Variants in ADCK1 observed in about 807,000 individuals in gnomAD.
ADCK1 encodes aarF domain containing kinase 1.
In ADCK1, 41 loss-of-function variants were observed where a neutral mutation model predicts 52.3. That is an observed-to-expected ratio of 0.78 (90% CI 0.61 to 1.02). ADCK1 has a LOEUF of 1.02. Among genes scored for constraint, ADCK1 ranks in the 50% least tolerant of loss-of-function variants. The pLI is 0.00. For missense variants in ADCK1, 658 were observed against 679.5 expected (o/e 0.97, Z 0.35); for synonymous variants, 250 against 274.6 (o/e 0.91, Z 0.89).
chr14:77,845,709 G>GCCA (rs2082160834), intron 3 of ADCK1, among the ~76,000 whole-genome samples: 1 of 152,042 alleles, frequency 6.6e-6, no homozygotes, highest in African/African-American at 2.4e-5. Context: ...ACAGGCATGA[G>GCCA]CCACCGCACC....
chr14:77,876,952 C>T (rs1372700142), intron 4 of ADCK1, among the ~76,000 whole-genome samples: 2 of 152,216 alleles, frequency 1.3e-5, no homozygotes, highest in African/African-American at 2.4e-5. Context: ...CAGTGGCTCA[C>T]GCCTGTAATC....
Position 77,822,524 on chromosome 14 carries a change from T to C in ADCK1, c.219+6T>C. 2 of 1,610,780 alleles carry C rather than the reference T, an allele frequency of 1.2e-6. No homozygotes were observed. The highest frequency in any genetic ancestry group is 1.7e-6 in the Non-Finnish European group (2 of 1,176,926). On this transcript the variant is annotated splice_donor_region_variant and intron_variant, in intron 3 of 10. Transcript: ENST00000238561. ...ACTTGCAGCTGAGATCTAAGGTAAG[T>C]AACCCATGGGACCCATCTGAGCCAG...
chr14:77,858,077 T>C (rs2082460373), intron 3 of ADCK1, among the ~76,000 whole-genome samples: 1 of 152,198 alleles, frequency 6.6e-6, no homozygotes, highest in African/African-American at 2.4e-5. Context: ...TTAAGGCTAC[T>C]CTGTCCTAGG....
At chr14:77,824,104 G>A (rs972986181) in intron 3 of ADCK1, among the ~76,000 whole-genome samples, 3 of 151,340 alleles carry the variant, frequency 2.0e-5, no homozygotes, top group Non-Finnish European at 2.9e-5. Flanking sequence ...TCGCCATGAC[G>A]GCCAGGCTGG....
chr14:77,910,313 A>G (rs2083763380), intron 7 of ADCK1, among the ~76,000 whole-genome samples: 1 of 152,098 alleles, frequency 6.6e-6, no homozygotes, highest in South Asian at 2.1e-4. Context: ...AAGTTCTGAG[A>G]GGGAGCAAAT....
rs55721310 is a variant in ADCK1 at position 77,925,772 on chromosome 14, G to A, written c.1017G>A (p.Thr339=). The A allele has an allele frequency of 0.01, 16,910 of 1,614,012 alleles. 128 individuals carry two copies. The highest frequency in any genetic ancestry group is 0.025 in the Middle Eastern group (153 of 6,062). Residue 339 remains threonine, a synonymous_variant, in exon 9 of 11, where the codon ACG becomes ACA. Transcript: ENST00000238561. Reference sequence around the variant, plus strand: ...TGCCGCCTCCACCCTAGATGCTCACGGAAGAATTCCGCCTGAATTACTGCC... The same window carrying A: ...TGCCGCCTCCACCCTAGATGCTCACAGAAGAATTCCGCCTGAATTACTGCC... ...LLDHGLYQML[T]EEFRLNYCHL...
intron 7 of ADCK1, among the ~76,000 whole-genome samples, chr14:77,915,198 A>C (rs1241250034): frequency 1.4e-5 from 2 of 143,904 alleles, no homozygotes; most frequent in African/African-American, 5.1e-5. Context: ...TTTTTTTTTT[A>C]ATACTTTAAG....
intron 7 of ADCK1, among the ~76,000 whole-genome samples, chr14:77,910,273 T>G (rs2083762699): frequency 6.6e-6 from 1 of 151,542 alleles, no homozygotes; most frequent in African/African-American, 2.4e-5. Context: ...AGAAAAAGAG[T>G]TCATCCTTCT....
At chr14:77,908,806 T>A (rs1379042837) in intron 7 of ADCK1, among the ~76,000 whole-genome samples, 1 of 152,180 alleles carries the variant, frequency 6.6e-6, no homozygotes, top group East Asian at 1.9e-4. Flanking sequence ...AAATCCTTGC[T>A]GTATCTCAGG....
At chr14:77,861,507 T>C (rs185199938) in intron 4 of ADCK1, among the ~76,000 whole-genome samples, 1 of 152,188 alleles carries the variant, frequency 6.6e-6, no homozygotes, top group East Asian at 1.9e-4. Flanking sequence ...GCCTCCAGGA[T>C]GCTTGAGTGG....
chr14:77,823,816 C>G (rs1190963558), intron 3 of ADCK1, among the ~76,000 whole-genome samples: 2 of 152,162 alleles, frequency 1.3e-5, no homozygotes, highest in African/African-American at 2.4e-5. Context: ...AAGTAATCCA[C>G]CTGCCTTGGC....
At chr14:77,909,058 A>G (rs1211236212) in intron 7 of ADCK1, among the ~76,000 whole-genome samples, 1 of 146,424 alleles carries the variant, frequency 6.8e-6, no homozygotes, top group Non-Finnish European at 1.5e-5. Flanking sequence ...GGTTTTGGGG[A>G]GTGCAGCAAC....
intron 1 of ADCK1, among the ~76,000 whole-genome samples, chr14:77,814,264 C>T (rs549471865): frequency 2.0e-5 from 3 of 150,800 alleles, no homozygotes; most frequent in Non-Finnish European, 3.0e-5. Flanking sequence ...TTTTTTGTAG[C>T]GATGGGGTTT....
chr14:77,843,532 A>G (rs1356969161), intron 3 of ADCK1, among the ~76,000 whole-genome samples: 1 of 152,178 alleles, frequency 6.6e-6, no homozygotes, highest in Non-Finnish European at 1.5e-5. Context: ...TCCAGACCAA[A>G]GAGTACATGT....
intron 3 of ADCK1, among the ~76,000 whole-genome samples, chr14:77,857,195 C>A (rs2082436762): frequency 6.6e-6 from 1 of 151,934 alleles, no homozygotes; most frequent in South Asian, 2.1e-4. Context: ...TGATGGTAAT[C>A]CCAGCACTTT....
At chr14:77,855,557 G>C (rs1374081920) in intron 3 of ADCK1, among the ~76,000 whole-genome samples, 2 of 152,174 alleles carry the variant, frequency 1.3e-5, no homozygotes, top group East Asian at 3.9e-4. Context: ...ACTGCAACTT[G>C]TTTTTTCCCC....
At chr14:77,919,109 A>C (rs893162907) in intron 7 of ADCK1, among the ~76,000 whole-genome samples, 1 of 152,138 alleles carries the variant, frequency 6.6e-6, no homozygotes, top group Non-Finnish European at 1.5e-5. Flanking sequence ...GCTGGAGTGC[A>C]ATGGTGTGAT....
rs1203390043 is a variant in ADCK1, at chr14:77,886,970, CTT to C, written c.424-119_424-118del. 19 of 1,110,436 alleles carry C rather than the reference CTT, an allele frequency of 1.7e-5. 1 individual carries two copies. In the Admixed American group the frequency reaches 4.5e-4, roughly 26 times the overall value. The allele number at this position is 1,110,436 out of a possible 1,614,324, so 68.8% of individuals were successfully genotyped here. A position where few individuals can be genotyped will look rare whatever the true frequency, so the allele number is the denominator to read the frequency against. ...CAACACACACACACACTCTCTCTCT[CTT>C]TCTCTCTCAAATCTGTCCTGGGGGC... On this transcript the variant is annotated intron_variant, in intron 4 of 10. Coordinates refer to ENST00000238561, the MANE Select transcript of ADCK1 (RefSeq NM_020421.4).
At chr14:77,824,048 G>T (rs1022293237) in intron 3 of ADCK1, among the ~76,000 whole-genome samples, 5 of 151,908 alleles carry the variant, frequency 3.3e-5, no homozygotes, top group Non-Finnish European at 5.9e-5. Context: ...ACAGGTGCAG[G>T]CCACCACGCC....
Sources: allele counts gnomAD v4.1 joint callset (sites outside exome capture counted in the v4.1 genomes callset), GRCh38; gene constraint gnomAD v4.1.1; transcripts MANE v1.5; gene names NCBI Gene and HGNC (gene_info 2026-07-23, HGNC 2026-07-21).